The following PCDHA9 variants were observed in gnomAD, a reference collection of about 807,000 sequenced individuals.
The protein encoded by PCDHA9 is protocadherin alpha-9.
Under a neutral mutation model 62.0 loss-of-function variants are expected in PCDHA9, and 62 were observed. That is an observed-to-expected ratio of 1.00 (90% CI 0.81 to 1.23). The LOEUF is 1.23. Among genes scored for constraint, PCDHA9 ranks in the 50% most tolerant of loss-of-function variants. The pLI is 0.00. For missense variants in PCDHA9, 1,205 were observed against 1,249.8 expected (o/e 0.96, Z 0.54); for synonymous variants, 557 against 567.6 (o/e 0.98, Z 0.27).
intron 1 of PCDHA9, among the ~76,000 whole-genome samples, chr5:140,962,851 C>T (rs2095713637): frequency 1.3e-5 from 2 of 152,114 alleles, no homozygotes; most frequent in South Asian, 4.1e-4. Flanking sequence ...ATAACTTGTG[C>T]TCGGTTTGTA....
At chr5:141,003,178 A>C (rs2098114996) in intron 3 of PCDHA9, among the ~76,000 whole-genome samples, 1 of 152,180 alleles carries the variant, frequency 6.6e-6, no homozygotes, top group East Asian at 1.9e-4. Context: ...CTGAGGCTCA[A>C]CTCCATCAAC....
chr5:140,891,879 A>G, intron 1 of PCDHA9, among the ~76,000 whole-genome samples: 1 of 152,196 alleles, frequency 6.6e-6, no homozygotes, highest in East Asian at 1.9e-4. Flanking sequence ...TGGCTCTGTC[A>G]TGTGACGATG....
Position 140,848,977 on chromosome 5 carries a change from A to T in PCDHA9, c.482A>T (p.Asp161Val), listed in dbSNP as rs2150427682. 2 of 1,600,464 alleles carry T rather than the reference A, an allele frequency of 1.2e-6. No homozygotes were observed. Among genetic ancestry groups the T allele is most frequent in the South Asian group, 1.1e-5 (1 of 90,606 alleles). ...CCACTAGAGGGCGCGTCCGATGCAGATATCGGGGAGAACGCCCTGCTCACT... is the reference window on the plus strand; with the variant it reads ...CCACTAGAGGGCGCGTCCGATGCAGTTATCGGGGAGAACGCCCTGCTCACT... ...RFPLEGASDA[D>V]IGENALLTYR... The change falls in exon 1 of 4, where the codon GAT becomes GTT. Residue 161 changes from aspartate (D) to valine (V), a missense_variant. Around this residue, in one of 3 missense-constraint regions of PCDHA9, gnomAD observed 208 missense variants for 213.2 expected, o/e 0.98. Transcript: ENST00000532602.
intron 1 of PCDHA9, chr5:140,866,767 G>C (rs913136809): frequency 1.3e-5 from 2 of 152,154 alleles, no homozygotes; most frequent in East Asian, 1.9e-4. Context: ...CATACAGGCA[G>C]ATTGTATGTC....
At chr5:140,925,508 A>C (rs1244251216) in intron 1 of PCDHA9, among the ~76,000 whole-genome samples, 1 of 152,138 alleles carries the variant, frequency 6.6e-6, no homozygotes, top group African/African-American at 2.4e-5. Flanking sequence ...ATATCCACGC[A>C]AAAGACCAAA....
chr5:141,004,144 A>C (rs1451902723), intron 3 of PCDHA9, among the ~76,000 whole-genome samples: 3 of 152,250 alleles, frequency 2.0e-5, no homozygotes, highest in Non-Finnish European at 2.9e-5. Context: ...CCCCAAAGGC[A>C]TGACATTTTA....
At chr5:140,888,551 T>G (rs2061873493) in intron 1 of PCDHA9, among the ~76,000 whole-genome samples, 1 of 152,240 alleles carries the variant, frequency 6.6e-6, no homozygotes, top group Admixed American at 6.5e-5. Flanking sequence ...TACCAATTTA[T>G]TCCTTTCAAG....
intron 1 of PCDHA9, chr5:140,967,032 A>T: frequency 6.2e-7 from 1 of 1,610,180 alleles, no homozygotes; most frequent in Non-Finnish European, 8.5e-7. Flanking sequence ...AGTCCGCGCT[A>T]CCTGGAGCTG....
intron 1 of PCDHA9, chr5:140,966,888 C>T: frequency 1.9e-6 from 3 of 1,593,128 alleles, no homozygotes; most frequent in Non-Finnish European, 2.6e-6. Flanking sequence ...GGCCCTGCGG[C>T]CTCCCAGCTG....
rs376943163 is a variant in PCDHA9 at position 140,883,718 on chromosome 5, G to C, written c.2394+32829G>C. On this transcript the variant is annotated intron_variant, in intron 1 of 3. Coordinates refer to ENST00000532602, the MANE Select transcript of PCDHA9 (RefSeq NM_031857.2). The stretch of plus-strand genomic sequence containing the variant: ...CACGGTGTCTGCTCAGGACGCGGAC[G>C]CACAGGAGAACGCGCTGGTCTCCTA... The C allele has an allele frequency of 5.0e-5, 81 of 1,613,524 alleles. No homozygotes were observed. Among genetic ancestry groups the C allele is most frequent in the Non-Finnish European group, 6.4e-5 (75 of 1,179,854 alleles).
intron 3 of PCDHA9, among the ~76,000 whole-genome samples, chr5:141,008,171 G>A (rs1441350888): frequency 6.6e-6 from 1 of 152,148 alleles, no homozygotes; most frequent in African/African-American, 2.4e-5. Flanking sequence ...GGACTAAAAT[G>A]TGACCATTGA....
At chr5:140,891,970 C>T (rs1554185021) in intron 1 of PCDHA9, among the ~76,000 whole-genome samples, 1 of 152,168 alleles carries the variant, frequency 6.6e-6, no homozygotes, top group African/African-American at 2.4e-5. Flanking sequence ...AGTAAATTTC[C>T]GTTCTCATAA....
In PCDHA9 at chr5:140,851,054, T is replaced by C. The variant is rs1269980672; in HGVS notation, c.2394+165T>C. The C allele has an allele frequency of 2.8e-5, 38 of 1,379,008 alleles. 5 individuals carry two copies. Among genetic ancestry groups the C allele is most frequent in the Non-Finnish European group, 3.5e-5 (37 of 1,051,766 alleles). The allele number at this position is 1,379,008 out of a possible 1,614,324, so 85.4% of individuals were successfully genotyped here. ...CTTAACATTGGAGCCGACTTTGTCT[T>C]GACTTCTAGTGAGAATTATAAACTG... On this transcript the variant is annotated intron_variant, in intron 1 of 3. Coordinates refer to ENST00000532602, the MANE Select transcript of PCDHA9 (RefSeq NM_031857.2).
intron 1 of PCDHA9, chr5:140,966,746 C>T: frequency 1.4e-6 from 2 of 1,425,932 alleles, no homozygotes; most frequent in Non-Finnish European, 1.8e-6. Context: ...TGCCCGGCTG[C>T]CTCCGCCGCG....
intron 1 of PCDHA9, among the ~76,000 whole-genome samples, chr5:140,961,451 T>C (rs1307588711): frequency 1.3e-5 from 2 of 152,238 alleles, no homozygotes; most frequent in Non-Finnish European, 2.9e-5. Context: ...TACACTGTCT[T>C]GCAGCTGCCT....
chr5:140,883,406 G>A, intron 1 of PCDHA9: 2 of 1,614,156 alleles, frequency 1.2e-6, no homozygotes, highest in South Asian at 2.2e-5. Context: ...TCGTGACTCT[G>A]GCTCAAATGG....
chr5:140,923,039 A>G (rs998399771), intron 1 of PCDHA9, among the ~76,000 whole-genome samples: 2 of 152,236 alleles, frequency 1.3e-5, no homozygotes, highest in Non-Finnish European at 2.9e-5. Context: ...TACTACATGT[A>G]TAGTATTTAG....
At position 140,928,565 on chromosome 5, in the gene PCDHA9, C is replaced by T. The variant is rs1227327620; in HGVS notation, c.2395-50384C>T. 2.5e-6 allele frequency: 4 copies of T among 1,614,038 alleles called. No individual in the cohort carries two copies. The highest frequency in any genetic ancestry group is 3.4e-6 in the Non-Finnish European group (4 of 1,180,038). On this transcript the variant is annotated intron_variant, in intron 1 of 3. Transcript: ENST00000532602. Reference sequence around the variant, plus strand: ...GACAATTATCCGGTTATCTTGTTTCCCTTGCCCAGAAATGGTTCTGTCCCA... The same window carrying T: ...GACAATTATCCGGTTATCTTGTTTCTCTTGCCCAGAAATGGTTCTGTCCCA...
At chr5:140,967,702 C>T (rs1563368615) in intron 1 of PCDHA9, 3 of 1,614,162 alleles carry the variant, frequency 1.9e-6, no homozygotes, top group Middle Eastern at 3.3e-4. Flanking sequence ...GCATAGATGC[C>T]AGTACCGGGG....
Sources: gnomAD v4.1 joint callset for allele counts (sites outside exome capture counted in the v4.1 genomes callset) on GRCh38, gnomAD v4.1.1 for gene constraint, gnomAD v4.1.1 regional missense constraint, MANE v1.5 for transcripts, NCBI Gene and HGNC (gene_info 2026-07-23, HGNC 2026-07-21) for gene names.